Variants in CTNNBL1 observed in about 807,000 individuals in gnomAD.
The protein encoded by CTNNBL1 is catenin beta like 1, also known as beta-catenin-like protein 1.
A neutral mutation model predicts 72.7 loss-of-function variants in CTNNBL1; 31 were observed. That is an observed-to-expected ratio of 0.43 (90% CI 0.32 to 0.58). The LOEUF (loss-of-function observed/expected upper bound fraction) is 0.58. CTNNBL1 is among the 20% of genes least tolerant of loss of function. The probability of loss-of-function intolerance (pLI) is 0.08; values close to 1 mark genes in which losing one functional copy is unlikely to be tolerated. For missense variants in CTNNBL1, 534 were observed against 725.1 expected, an observed-to-expected ratio of 0.74 and a Z score of 3.03; for synonymous variants, 240 against 267.3, an observed-to-expected ratio of 0.90 and a Z score of 1.00.
At chr20:37,861,814 G>A (rs1223908095) in intron 15 of CTNNBL1, among the ~76,000 whole-genome samples, 3 of 152,180 alleles carry the variant, frequency 2.0e-5, no homozygotes, top group Non-Finnish European at 2.9e-5. Context: ...AACAGTGAAC[G>A]TTAGTGTGAG....
At chr20:37,864,153 C>T (rs564869978) in intron 15 of CTNNBL1, among the ~76,000 whole-genome samples, 4 of 152,094 alleles carry the variant, frequency 2.6e-5, no homozygotes, top group South Asian at 4.1e-4. Flanking sequence ...CTGGGACCCC[C>T]GTCCAAAAGC....
intron 1 of CTNNBL1, among the ~76,000 whole-genome samples, chr20:37,710,314 C>T (rs755675531): frequency 2.6e-5 from 4 of 152,190 alleles, no homozygotes; most frequent in African/African-American, 4.8e-5. Flanking sequence ...TCAGCTGTCA[C>T]TCCTTAGTGT....
intron 11 of CTNNBL1, among the ~76,000 whole-genome samples, chr20:37,829,955 C>T (rs1438991530): frequency 1.3e-5 from 2 of 152,084 alleles, no homozygotes; most frequent in African/African-American, 4.8e-5. Context: ...CTTTAGCCCC[C>T]CAAGTAGTTG....
chr20:37,831,515 G>A (rs1277348804), intron 11 of CTNNBL1, among the ~76,000 whole-genome samples: 2 of 151,884 alleles, frequency 1.3e-5, no homozygotes, highest in African/African-American at 4.8e-5. Context: ...ACAGGTGCCC[G>A]CCACCACGCC....
intron 15 of CTNNBL1, among the ~76,000 whole-genome samples, chr20:37,871,308 C>T (rs1416381366): frequency 1.3e-5 from 2 of 152,212 alleles, no homozygotes; most frequent in South Asian, 4.1e-4. Flanking sequence ...TCTGTTCGTG[C>T]TGCTGTAACA....
At chr20:37,790,473 A>T (rs546748643) in intron 10 of CTNNBL1, among the ~76,000 whole-genome samples, 1 of 152,334 alleles carries the variant, frequency 6.6e-6, no homozygotes, top group Admixed American at 6.5e-5. Flanking sequence ...CAAGCTGCAC[A>T]TGCAGATCTT....
At chr20:37,704,548 C>CAA (rs954593018) in intron 1 of CTNNBL1, among the ~76,000 whole-genome samples, 3 of 141,634 alleles carry the variant, frequency 2.1e-5, no homozygotes, top group Non-Finnish European at 3.1e-5. Flanking sequence ...GACATCGTCT[C>CAA]AAAAAAAAAA....
chr20:37,810,234 C>A (rs2071997828), intron 11 of CTNNBL1, among the ~76,000 whole-genome samples: 1 of 152,022 alleles, frequency 6.6e-6, no homozygotes, highest in African/African-American at 2.4e-5. Flanking sequence ...GATCAGGCAG[C>A]CCATCTGGTG....
intron 11 of CTNNBL1, among the ~76,000 whole-genome samples, chr20:37,816,865 T>C (rs1183793997): frequency 6.6e-6 from 1 of 152,214 alleles, no homozygotes; most frequent in African/African-American, 2.4e-5. Flanking sequence ...GTATGCCTGC[T>C]GGCTCACAAA....
chr20:37,736,863 A>G (rs1473200974), intron 2 of CTNNBL1, among the ~76,000 whole-genome samples: 1 of 152,094 alleles, frequency 6.6e-6, no homozygotes, highest in East Asian at 1.9e-4. Context: ...GAGACACCCA[A>G]TGTGATATAC....
chr20:37,809,168 A>G (rs1213278500), intron 11 of CTNNBL1, among the ~76,000 whole-genome samples: 9 of 152,144 alleles, frequency 5.9e-5, no homozygotes, highest in Admixed American at 5.2e-4. Flanking sequence ...GAAGTAGGAA[A>G]ATAGACATGG....
intron 10 of CTNNBL1, among the ~76,000 whole-genome samples, chr20:37,797,922 C>T (rs75679876): frequency 3.2e-4 from 48 of 152,348 alleles, no homozygotes; most frequent in Non-Finnish European, 6.2e-4. Flanking sequence ...CCCTCTCCCT[C>T]TTTGCGTATC....
intron 3 of CTNNBL1, among the ~76,000 whole-genome samples, chr20:37,737,821 A>G (rs1162871523): frequency 1.3e-5 from 2 of 152,220 alleles, no homozygotes; most frequent in Non-Finnish European, 2.9e-5. Flanking sequence ...ATGCATCAAC[A>G]TGTGTGCAGT....
At chr20:37,715,294 C>G (rs1694877955) in intron 1 of CTNNBL1, among the ~76,000 whole-genome samples, 1 of 152,188 alleles carries the variant, frequency 6.6e-6, no homozygotes. Flanking sequence ...GTTCACTAAG[C>G]AAGCCACCAC....
chr20:37,842,960 T>C (rs1031080716), intron 13 of CTNNBL1, among the ~76,000 whole-genome samples: 1 of 152,322 alleles, frequency 6.6e-6, no homozygotes, highest in African/African-American at 2.4e-5. Context: ...TGTTTTCTCA[T>C]GTTGATTGTT....
At chr20:37,857,283 A>C (rs79987566) in intron 13 of CTNNBL1, among the ~76,000 whole-genome samples, 2,427 of 152,306 alleles carry the variant, frequency 0.016, 65 homozygotes, top group African/African-American at 0.052. Flanking sequence ...TTACCAATGA[A>C]TTTGCTACTA....
intron 11 of CTNNBL1, among the ~76,000 whole-genome samples, chr20:37,825,229 T>G (rs1425416019): frequency 6.6e-6 from 1 of 152,090 alleles, no homozygotes; most frequent in Non-Finnish European, 1.5e-5. Flanking sequence ...GGCAGGCACC[T>G]GTAATCCCAG....
chr20:37,821,465 C>A lies in CTNNBL1; in HGVS notation c.1213+18417C>A, dbSNP rs1214800128. 2.0e-5 allele frequency among the ~76,000 whole-genome samples: 3 copies of A among 152,182 alleles called. No individual in the cohort carries two copies. The East Asian group carries it at 5.8e-4, about 29-fold the overall frequency. ...AGGTGGAGAAAATTATATATTGAAT[C>A]CTTATGTACCCATCACTCAGCTTCA... On this transcript the variant is annotated intron_variant, in intron 11 of 15. Coordinates refer to ENST00000361383, the MANE Select transcript of CTNNBL1 (RefSeq NM_030877.5).
chr20:37,772,664 A>T (rs1406710298), intron 7 of CTNNBL1, among the ~76,000 whole-genome samples: 1 of 152,172 alleles, frequency 6.6e-6, no homozygotes, highest in Non-Finnish European at 1.5e-5. Flanking sequence ...GAGTTTTAAT[A>T]AGCCCTCAAG....
Sources: allele counts gnomAD v4.1 joint callset (sites outside exome capture counted in the v4.1 genomes callset), GRCh38; gene constraint gnomAD v4.1.1; transcripts MANE v1.5; gene names NCBI Gene and HGNC (gene_info 2026-07-23, HGNC 2026-07-21).